The following TRIM22 variants were observed in gnomAD, a reference collection of about 807,000 sequenced individuals.
TRIM22 encodes E3 ubiquitin-protein ligase TRIM22.
A neutral mutation model predicts 53.6 loss-of-function variants in TRIM22; 45 were observed. That is an observed-to-expected ratio of 0.84 (90% CI 0.66 to 1.08). The LOEUF is 1.08. Among genes scored for constraint, TRIM22 ranks in the 50% least tolerant of loss-of-function variants. The pLI, the probability that TRIM22 is intolerant of heterozygous loss-of-function variation, is 0.00. For synonymous variants in TRIM22, 225 were observed against 216.6 expected (o/e 1.04, Z -0.34); for missense variants, 616 against 590.9 (o/e 1.04, Z -0.44).
In TRIM22 at chr11:5,696,170, T is replaced by C; in HGVS notation, c.-63T>C. On this transcript the variant is annotated 5_prime_UTR_variant, in exon 2 of 8. Transcript: ENST00000379965. Reference sequence around the variant, plus strand: ...CTGTCCCCTTCAACATTCTCAGCACTGCAGGAGTTTGTGACCAAGAACTTC... The same window carrying C: ...CTGTCCCCTTCAACATTCTCAGCACCGCAGGAGTTTGTGACCAAGAACTTC... The C allele has an allele frequency of 6.7e-7, 1 of 1,491,290 alleles. No individual in the cohort carries two copies. Among genetic ancestry groups the C allele is most frequent in the African/African-American group, 1.4e-5 (1 of 71,650 alleles). 92.4% of individuals were successfully genotyped at this position (1,491,290 alleles called of 1,614,324 possible).
rs374259977 is a variant in TRIM22, at chr11:5,698,240, C to T, written c.520-75C>T. The T allele has an allele frequency of 1.2e-5, 14 of 1,213,042 alleles. No homozygotes were observed. In the African/African-American group the frequency reaches 1.5e-4, roughly 13 times the overall value. 75.1% of individuals were successfully genotyped at this position (1,213,042 alleles called of 1,614,324 possible). A position where few individuals can be genotyped will look rare whatever the true frequency, so the allele number is the denominator to read the frequency against. On this transcript the variant is annotated intron_variant, in intron 3 of 7. Coordinates refer to ENST00000379965, the MANE Select transcript of TRIM22 (RefSeq NM_006074.5). ...ACTCCCTGAGGAAAACTGTTCTTATCCTGTCTCCCAGGCTCATACAAAGCA... is the reference window on the plus strand; with the variant it reads ...ACTCCCTGAGGAAAACTGTTCTTATTCTGTCTCCCAGGCTCATACAAAGCA...
At chr11:5,703,238 AT>A (rs1331255126) in intron 4 of TRIM22, among the ~76,000 whole-genome samples, 11 of 152,026 alleles carry the variant, frequency 7.2e-5, no homozygotes, top group African/African-American at 2.4e-4. Flanking sequence ...TATTATTTCC[AT>A]ATTTATGTCC....
rs775242351 is a variant in TRIM22 at position 5,696,634 on chromosome 11, C to T, written c.402C>T (p.Asn134=). ...AAGGTCACCAAACATTCCGCATAAA[C>T]GAGGTGGTCAAGGAATGTCAGGTAG... ...EHQGHQTFRI[N]EVVKECQEKL... Residue 134 remains asparagine, a synonymous_variant, in exon 2 of 8, where the codon AAC becomes AAT. Transcript: ENST00000379965. 2.9e-5 allele frequency: 46 copies of T among 1,611,286 alleles called. No homozygotes were observed. The highest frequency in any genetic ancestry group is 1.6e-4 in the Middle Eastern group (1 of 6,080).
intron 3 of TRIM22, 24 bp downstream of exon 3, chr11:5,697,367 G>T: frequency 1.3e-6 from 2 of 1,573,092 alleles, no homozygotes; most frequent in Non-Finnish European, 1.7e-6. Flanking sequence ...CCTCCTAAGG[G>T]ATAATTAGAC....
rs566347746 is a variant in TRIM22, at chr11:5,703,762, G to A, written c.751-2832G>A. Among the ~76,000 whole-genome samples the A allele has an allele frequency of 2.0e-5, 3 of 152,166 alleles. No individual in the cohort carries two copies. The East Asian group carries it at 5.8e-4, about 29-fold the overall frequency. ...TTTGTTTATCCAGTCTACTATTGAT[G>A]GATACCTGGGTTGATTCCATGTCTT... On this transcript the variant is annotated intron_variant, in intron 4 of 7. Coordinates refer to ENST00000379965, the MANE Select transcript of TRIM22 (RefSeq NM_006074.5).
intron 4 of TRIM22, among the ~76,000 whole-genome samples, chr11:5,701,410 T>G (rs962101406): frequency 6.6e-6 from 1 of 152,238 alleles, no homozygotes; most frequent in Non-Finnish European, 1.5e-5. Flanking sequence ...TTAAATTCTA[T>G]TGTTGCGTAA....
chr11:5,692,121 C>CA (rs1564938648), intron 1 of TRIM22, among the ~76,000 whole-genome samples: 1 of 151,852 alleles, frequency 6.6e-6, no homozygotes, highest in South Asian at 2.1e-4. Flanking sequence ...AACACGCAGT[C>CA]AAAAAAAGGA....
At position 5,708,940 on chromosome 11, in the gene TRIM22, A is replaced by AC; in HGVS notation, c.902-112dup. The AC allele has an allele frequency of 5.8e-6, 5 of 855,730 alleles. No individual in the cohort carries two copies. The South Asian group carries it at 8.6e-5, about 15-fold the overall frequency. The allele number at this position is 855,730 out of a possible 1,614,324, so 53.0% of individuals were successfully genotyped here. On this transcript the variant is annotated intron_variant, in intron 7 of 7. Transcript: ENST00000379965. ...GGGTCCTACTAACCTCTGACTATCAACACAAGTTCCGTTTGATATCGACAC... is the reference window on the plus strand; with the variant it reads ...GGGTCCTACTAACCTCTGACTATCAACCACAAGTTCCGTTTGATATCGACAC...
At position 5,696,252 on chromosome 11, in the gene TRIM22, T is replaced by C. The variant is rs200816458; in HGVS notation, c.20T>C (p.Val7Ala). Residue 7 changes from valine (V) to alanine (A), a missense_variant, in exon 2 of 8, where the codon GTA becomes GCA. Physicochemically the swap from Val to Ala is moderately conservative, Grantham distance 64. Coordinates refer to ENST00000379965, the MANE Select transcript of TRIM22 (RefSeq NM_006074.5). ...AGTGCAATGGATTTCTCAGTAAAGG[T>C]AGACATAGAGAAGGAGGTGACCTGC... Reference protein sequence around the residue: MDFSVKVDIEKEVTCPI... With the variant: MDFSVKADIEKEVTCPI... 166 of 1,611,492 alleles carry C rather than the reference T, an allele frequency of 1.0e-4. No homozygotes were observed. The highest frequency in any genetic ancestry group is 3.3e-4 in the Middle Eastern group (2 of 6,040).
Position 5,700,591 on chromosome 11 carries a change from T to TC in TRIM22, c.750+2046_750+2047insC, listed in dbSNP as rs1853358541. Among the ~76,000 whole-genome samples the TC allele has an allele frequency of 1.2e-4, 14 of 120,728 alleles. 1 individual carries two copies. In the Admixed American group the frequency reaches 1.2e-3, roughly 10 times the overall value. The allele number at this position is 120,728 out of a possible 152,430, so 79.2% of individuals were successfully genotyped here. The stretch of plus-strand genomic sequence containing the variant: ...GATGTTAGCTATAGGAGTCTTTTTT[T>TC]TTTTTTTTTTTTTTCAGATTTGTAA... On this transcript the variant is annotated intron_variant, in intron 4 of 7. Coordinates refer to ENST00000379965, the MANE Select transcript of TRIM22 (RefSeq NM_006074.5).
intron 4 of TRIM22, among the ~76,000 whole-genome samples, chr11:5,700,584 C>CTT (rs756680023): frequency 2.3e-4 from 7 of 29,922 alleles, no homozygotes; most frequent in East Asian, 8.0e-4. Context: ...CTATAGGAGT[C>CTT]TTTTTTTTTT....
Position 5,705,987 on chromosome 11 carries a change from G to A in TRIM22, c.751-607G>A, listed in dbSNP as rs149767482. Among the ~76,000 whole-genome samples the A allele has an allele frequency of 1.5e-3, 225 of 152,170 alleles. 1 individual carries two copies. The highest frequency in any genetic ancestry group is 5.0e-3 in the African/African-American group (208 of 41,534). On this transcript the variant is annotated intron_variant, in intron 4 of 7. Coordinates refer to ENST00000379965, the MANE Select transcript of TRIM22 (RefSeq NM_006074.5). ...GAAATGCTTGCTTGCTTTTGCTCAC[G>A]GCAACAGTACACTTCTTAAGGACTT...
rs565558979 is a variant in TRIM22, at chr11:5,702,320, ATAAC to A, written c.750+3779_750+3782del. On this transcript the variant is annotated intron_variant, in intron 4 of 7. Transcript: ENST00000379965. The stretch of plus-strand genomic sequence containing the variant: ...AAATATAACTAATATGCCTAATAAT[ATAAC>A]TAATATAACTAATAATAATATAACT... Among the ~76,000 whole-genome samples, 134 of 146,102 alleles carry A rather than the reference ATAAC, an allele frequency of 9.2e-4. 1 individual carries two copies. In the East Asian group the frequency reaches 0.022, roughly 24 times the overall value.
At chr11:5,692,558 C>T (rs16934536) in intron 1 of TRIM22, among the ~76,000 whole-genome samples, 10,847 of 152,254 alleles carry the variant, frequency 0.071, 563 homozygotes, top group East Asian at 0.29. Context: ...GAAGTGGTAA[C>T]GGTGTTTCTG....
chr11:5,699,488 C>T (rs1195591473), intron 4 of TRIM22, among the ~76,000 whole-genome samples: 1 of 127,838 alleles, frequency 7.8e-6, no homozygotes, highest in Non-Finnish European at 1.6e-5. Context: ...TGCGCCACTG[C>T]AGTCCGCAGT....
intron 4 of TRIM22, among the ~76,000 whole-genome samples, chr11:5,700,584 C>CTTTTTTTTTTTTTTTTTT (rs756680023): frequency 6.7e-5 from 2 of 29,926 alleles, no homozygotes; most frequent in Non-Finnish European, 1.3e-4. Context: ...CTATAGGAGT[C>CTTTTTTTTTTTTTTTTTT]TTTTTTTTTT....
intron 4 of TRIM22, 59 bp from the exon 5 acceptor site, chr11:5,706,535 C>T (rs1853458454): frequency 6.3e-7 from 1 of 1,576,550 alleles, no homozygotes; most frequent in South Asian, 1.1e-5. Context: ...GAACTAGCCA[C>T]TTTTATGTTC....
chr11:5,696,125 C>T (rs1853254742), intron 1 of TRIM22, 42 bp from the exon 2 acceptor site: 3 of 976,952 alleles, frequency 3.1e-6, no homozygotes. Context: ...AGTATTCTTT[C>T]TATTCCTTCT....
intron 5 of TRIM22, among the ~76,000 whole-genome samples, chr11:5,707,688 T>C (rs1853482714): frequency 6.6e-6 from 1 of 152,076 alleles, no homozygotes; most frequent in Non-Finnish European, 1.5e-5. Flanking sequence ...AGCAGGCACC[T>C]GTAATCCCAG....
Sources: gnomAD v4.1 joint callset for allele counts (sites outside exome capture counted in the v4.1 genomes callset) on GRCh38, gnomAD v4.1.1 for gene constraint, MANE v1.5 for transcripts, NCBI Gene and HGNC (gene_info 2026-07-23, HGNC 2026-07-21) for gene names.